PRDM5: variants seen among roughly 807,000 people sequenced by gnomAD.
PRDM5 encodes the protein PR/SET domain 5.
Under a neutral mutation model 81.2 loss-of-function variants are expected in PRDM5, and 56 were observed. That is an observed-to-expected ratio of 0.69 (90% CI 0.56 to 0.86). PRDM5 has a LOEUF of 0.86. Among genes scored for constraint, PRDM5 ranks in the 40% least tolerant of loss-of-function variants. PRDM5 has a pLI of 0.00. For synonymous variants in PRDM5, 267 were observed against 256.4 expected (o/e 1.04, Z -0.39); for missense variants, 697 against 770.1 (o/e 0.91, Z 1.12).
At chr4:120,717,802 G>A (rs1349508614) in intron 14 of PRDM5, among the ~76,000 whole-genome samples, 1 of 152,194 alleles carries the variant, frequency 6.6e-6, no homozygotes, top group East Asian at 1.9e-4. Context: ...ATTTCCTGTG[G>A]TTGCTGTCTA....
At chr4:120,725,965 C>A (rs1169875944) in intron 14 of PRDM5, among the ~76,000 whole-genome samples, 1 of 152,086 alleles carries the variant, frequency 6.6e-6, no homozygotes, top group African/African-American at 2.4e-5. Flanking sequence ...AGCTTAGTTA[C>A]CAAGGAAAAG....
chr4:120,766,828 A>AT (rs1318189869), intron 13 of PRDM5, among the ~76,000 whole-genome samples: 1 of 152,170 alleles, frequency 6.6e-6, no homozygotes, highest in African/African-American at 2.4e-5. Flanking sequence ...CAAGAATATT[A>AT]TTTTTTATTC....
At chr4:120,806,500 T>C (rs1442959209) in intron 8 of PRDM5, among the ~76,000 whole-genome samples, 1 of 151,918 alleles carries the variant, frequency 6.6e-6, no homozygotes, top group Non-Finnish European at 1.5e-5. Context: ...CAAAAACAGA[T>C]CTATAGACCA....
At chr4:120,792,431 C>T (rs1750711816) in intron 10 of PRDM5, among the ~76,000 whole-genome samples, 1 of 152,152 alleles carries the variant, frequency 6.6e-6, no homozygotes, top group Admixed American at 6.6e-5. Flanking sequence ...TCTACTAAAA[C>T]AGCAAGAACT....
intron 7 of PRDM5, among the ~76,000 whole-genome samples, chr4:120,812,216 T>C (rs547538525): frequency 2.0e-5 from 3 of 152,294 alleles, no homozygotes; most frequent in Admixed American, 6.5e-5. Flanking sequence ...ATTCCAAATA[T>C]TGGCTATTGT....
intron 15 of PRDM5, among the ~76,000 whole-genome samples, chr4:120,698,274 T>TG (rs1387843339): frequency 6.6e-6 from 1 of 152,144 alleles, no homozygotes; most frequent in Non-Finnish European, 1.5e-5. Context: ...CTGGCACTTT[T>TG]GAGCCCTCAT....
Position 120,922,715 on chromosome 4 carries a change from G to T in PRDM5, c.-107C>A. ...AGGGTAGAGGGGAGAAACCGGCAGG[G>T]AAGGAGGAAATGGAGTTTTCCTCCC... On this transcript the variant is annotated 5_prime_UTR_variant, in exon 1 of 16. Coordinates refer to ENST00000264808, the MANE Select transcript of PRDM5 (RefSeq NM_018699.4). 1 of 1,444,972 alleles carries T rather than the reference G, an allele frequency of 6.9e-7. No individual in the cohort carries two copies. 89.5% of individuals were successfully genotyped at this position (1,444,972 alleles called of 1,614,324 possible).
At chr4:120,787,999 A>T (rs573615019) in intron 10 of PRDM5, among the ~76,000 whole-genome samples, 24 of 152,328 alleles carry the variant, frequency 1.6e-4, no homozygotes, top group Non-Finnish European at 2.9e-4. Context: ...GATACCATTC[A>T]GTGTTGACTA....
chr4:120,917,416 G>A (rs1724310893), intron 1 of PRDM5, among the ~76,000 whole-genome samples: 1 of 151,822 alleles, frequency 6.6e-6, no homozygotes, highest in African/African-American at 2.4e-5. Flanking sequence ...ACCATACCTA[G>A]CTCTTTTTCT....
At chr4:120,863,606 T>TA (rs1311015330) in intron 2 of PRDM5, among the ~76,000 whole-genome samples, 1 of 151,890 alleles carries the variant, frequency 6.6e-6, no homozygotes, top group African/African-American at 2.4e-5. Flanking sequence ...CCAAAGCATT[T>TA]AAAAAAATGA....
intron 2 of PRDM5, among the ~76,000 whole-genome samples, chr4:120,869,050 T>A (rs1761508617): frequency 6.6e-6 from 1 of 152,152 alleles, no homozygotes; most frequent in Non-Finnish European, 1.5e-5. Context: ...GACAAAAGAA[T>A]ATACATATAT....
chr4:120,697,514 A>G (rs1167521109), intron 15 of PRDM5, among the ~76,000 whole-genome samples: 1 of 151,254 alleles, frequency 6.6e-6, no homozygotes. Flanking sequence ...AAAAATATTA[A>G]TCTTTTTTTT....
intron 15 of PRDM5, among the ~76,000 whole-genome samples, chr4:120,703,547 A>G (rs111442036): frequency 7.2e-5 from 11 of 152,210 alleles, no homozygotes; most frequent in African/African-American, 2.2e-4. Context: ...AGGGCAGGAC[A>G]TGGCATCTTC....
chr4:120,894,933 G>A (rs762992328), intron 2 of PRDM5, among the ~76,000 whole-genome samples: 14 of 152,240 alleles, frequency 9.2e-5, no homozygotes, highest in African/African-American at 3.1e-4. Flanking sequence ...TTCTGCTTCC[G>A]CTCCATTCTT....
At chr4:120,708,734 T>A (rs1023477455) in intron 15 of PRDM5, among the ~76,000 whole-genome samples, 1 of 152,040 alleles carries the variant, frequency 6.6e-6, no homozygotes, top group Non-Finnish European at 1.5e-5. Flanking sequence ...ACAGTAAAGG[T>A]CTGAGCTATG....
intron 11 of PRDM5, among the ~76,000 whole-genome samples, chr4:120,781,756 G>C (rs1489874268): frequency 6.6e-6 from 1 of 152,164 alleles, no homozygotes; most frequent in African/African-American, 2.4e-5. Context: ...TGTAGGTAGA[G>C]AGCTGAGGAG....
At chr4:120,877,525 C>A (rs898124316) in intron 2 of PRDM5, among the ~76,000 whole-genome samples, 1 of 152,154 alleles carries the variant, frequency 6.6e-6, no homozygotes, top group Non-Finnish European at 1.5e-5. Flanking sequence ...ATAAACGGGG[C>A]CGGGTGCGGT....
intron 15 of PRDM5, among the ~76,000 whole-genome samples, chr4:120,699,905 C>G (rs542251963): frequency 4.8e-5 from 7 of 146,868 alleles, no homozygotes; most frequent in Non-Finnish European, 9.2e-5. Context: ...TCATTTTCCA[C>G]AGAACTAGAA....
At chr4:120,839,204 G>GAGC (rs1483478515) in intron 3 of PRDM5, 1 of 701,994 alleles carries the variant, frequency 1.4e-6, no homozygotes, top group Non-Finnish European at 2.6e-6. Flanking sequence ...GGCAAGCAAG[G>GAGC]AGCAGGTCTC....
Sources: allele counts gnomAD v4.1 joint callset (sites outside exome capture counted in the v4.1 genomes callset), GRCh38; gene constraint gnomAD v4.1.1; transcripts MANE v1.5; gene names NCBI Gene and HGNC (gene_info 2026-07-23, HGNC 2026-07-21).